CPS1: variants seen among roughly 807,000 people sequenced by gnomAD.
CPS1 encodes carbamoyl-phosphate synthase 1.
A neutral mutation model predicts 174.6 loss-of-function variants in CPS1; 109 were observed. The observed-to-expected ratio is 0.62, with a 90% CI of 0.53 to 0.73. The LOEUF is 0.73. Ranked by LOEUF, CPS1 falls within the 30% of genes least tolerant of loss-of-function variation. The probability of loss-of-function intolerance (pLI) is 0.00; values close to 1 mark genes in which losing one functional copy is unlikely to be tolerated. For missense variants in CPS1, 1,689 were observed against 1,821.9 expected (o/e 0.93, Z 1.33); for synonymous variants, 637 against 632.0 (o/e 1.01, Z -0.12).
intron 25 of CPS1, 110 bp downstream of exon 25, chr2:210,642,775 A>C: frequency 9.8e-7 from 1 of 1,018,586 alleles, no homozygotes; most frequent in Non-Finnish European, 1.5e-6. Flanking sequence ...TCCTCTTAGA[A>C]GAAAGGGCTG....
chr2:210,667,427 A>G (rs896155184), intron 33 of CPS1, among the ~76,000 whole-genome samples: 2 of 152,138 alleles, frequency 1.3e-5, no homozygotes, highest in African/African-American at 4.8e-5. Context: ...CAAATATACC[A>G]CTTGTTCTAT....
intron 1 of CPS1, among the ~76,000 whole-genome samples, chr2:210,484,359 A>C (rs1009469455): frequency 2.6e-5 from 4 of 152,228 alleles, no homozygotes; most frequent in African/African-American, 7.2e-5. Context: ...GCAGAGAGAC[A>C]GTGGTCTTAG....
At chr2:210,515,293 G>A (rs1053379992) in intron 1 of CPS1, among the ~76,000 whole-genome samples, 1 of 151,268 alleles carries the variant, frequency 6.6e-6, no homozygotes, top group Non-Finnish European at 1.5e-5. Flanking sequence ...TTCTTTGTAT[G>A]TCTGGTAGAA....
At chr2:210,629,155 A>G (rs1232532539) in intron 21 of CPS1, among the ~76,000 whole-genome samples, 1 of 152,220 alleles carries the variant, frequency 6.6e-6, no homozygotes, top group East Asian at 1.9e-4. Context: ...TGCTTACTGA[A>G]TACATCTTCT....
chr2:210,540,906 C>T (rs966378567), intron 1 of CPS1, among the ~76,000 whole-genome samples: 2 of 152,068 alleles, frequency 1.3e-5, no homozygotes, highest in African/African-American at 4.8e-5. Context: ...AACGATATCA[C>T]GAAATGGAAA....
chr2:210,576,940 A>G (rs1002842109), intron 3 of CPS1, among the ~76,000 whole-genome samples: 4 of 152,172 alleles, frequency 2.6e-5, no homozygotes, highest in African/African-American at 7.2e-5. Flanking sequence ...TCTCTTAGGA[A>G]TATATATCAT....
At position 210,567,500 on chromosome 2, in the gene CPS1, A is replaced by G. The variant is rs150040426; in HGVS notation, c.127-5798A>G. ...TTGCTGACATACAGTAAAATTTGGC[A>G]AGCATTTTAGATGAAAAGTAAAGGA... On this transcript the variant is annotated intron_variant, in intron 1 of 37. Coordinates refer to ENST00000233072, the MANE Select transcript of CPS1 (RefSeq NM_001875.5). Among the ~76,000 whole-genome samples the G allele has an allele frequency of 2.8e-3, 421 of 152,294 alleles. 5 individuals carry two copies. Among genetic ancestry groups the G allele is most frequent in the African/African-American group, 9.2e-3 (384 of 41,570 alleles).
At chr2:210,478,566 G>A (rs1694470922) in intron 1 of CPS1, among the ~76,000 whole-genome samples, 1 of 151,816 alleles carries the variant, frequency 6.6e-6, no homozygotes, top group Non-Finnish European at 1.5e-5. Context: ...ACTTTCTTTA[G>A]TTTGTTCACA....
chr2:210,599,249 T>TA, intron 13 of CPS1, 123 bp from the exon 14 acceptor site: 1 of 820,278 alleles, frequency 1.2e-6, no homozygotes, highest in Non-Finnish European at 2.1e-6. Flanking sequence ...CTAGTCCTGT[T>TA]ACGGATCTCT....
chr2:210,662,210 T>A (rs996622475), intron 32 of CPS1, among the ~76,000 whole-genome samples: 4 of 152,146 alleles, frequency 2.6e-5, no homozygotes, highest in African/African-American at 9.7e-5. Flanking sequence ...ATGCATTTTT[T>A]AAATGCACTG....
At position 210,529,725 on chromosome 2, in the gene CPS1, A is replaced by T. The variant is rs113319603; in HGVS notation, c.4-26994A>T. On this transcript the variant is annotated intron_variant, in intron 1 of 38. Transcript: ENST00000430249. ...ACATTAGAAGTAGAAACCAGGTTAG[A>T]CATCCTGATAATAAGTGACCTTATT... Among the ~76,000 whole-genome samples, 1,198 of 152,122 alleles carry T rather than the reference A, an allele frequency of 7.9e-3. 8 individuals are homozygous for T. Among genetic ancestry groups the T allele is most frequent in the Non-Finnish European group, 0.013 (860 of 67,942 alleles).
intron 1 of CPS1, among the ~76,000 whole-genome samples, chr2:210,563,002 T>C (rs1465891809): frequency 6.6e-6 from 1 of 152,226 alleles, no homozygotes; most frequent in East Asian, 1.9e-4. Flanking sequence ...TTCACAGATA[T>C]GTAAGTGCTG....
At chr2:210,500,927 T>C (rs935845464) in intron 1 of CPS1, among the ~76,000 whole-genome samples, 6 of 152,152 alleles carry the variant, frequency 3.9e-5, no homozygotes, top group African/African-American at 1.4e-4. Context: ...CTACAGCAAA[T>C]TTCTGCTTGG....
chr2:210,532,785 T>C (rs774176114), intron 1 of CPS1, among the ~76,000 whole-genome samples: 1 of 152,136 alleles, frequency 6.6e-6, no homozygotes, highest in Non-Finnish European at 1.5e-5. Context: ...GTGCCTTATA[T>C]CTGGTAAGCA....
chr2:210,643,062 G>A (rs933132515), intron 25 of CPS1, among the ~76,000 whole-genome samples: 1 of 152,200 alleles, frequency 6.6e-6, no homozygotes, highest in Non-Finnish European at 1.5e-5. Context: ...TTTGTGTGAT[G>A]TGGTTTAATG....
chr2:210,493,419 A>G (rs60981818), intron 1 of CPS1, among the ~76,000 whole-genome samples: 6,134 of 152,316 alleles, frequency 0.04, 370 homozygotes, highest in African/African-American at 0.13. Flanking sequence ...TCCTTTCTGC[A>G]TCATCTTCCT....
intron 21 of CPS1, among the ~76,000 whole-genome samples, chr2:210,628,887 A>T (rs1287691591): frequency 6.6e-6 from 1 of 152,176 alleles, no homozygotes; most frequent in Non-Finnish European, 1.5e-5. Flanking sequence ...ATATTTATAT[A>T]TTTGTTGCTT....
chr2:210,652,643 A>G, intron 28 of CPS1, among the ~76,000 whole-genome samples: 1 of 152,146 alleles, frequency 6.6e-6, no homozygotes, highest in East Asian at 1.9e-4. Flanking sequence ...GGGAGGAATT[A>G]TATATTTATT....
At chr2:210,490,093 A>G (rs1003572619) in intron 1 of CPS1, among the ~76,000 whole-genome samples, 3 of 152,188 alleles carry the variant, frequency 2.0e-5, no homozygotes, top group African/African-American at 4.8e-5. Context: ...GAAGAAAGAA[A>G]TAAACATATT....
Sources: allele counts gnomAD v4.1 joint callset (sites outside exome capture counted in the v4.1 genomes callset), GRCh38; gene constraint gnomAD v4.1.1; transcripts MANE v1.5; gene names NCBI Gene and HGNC (gene_info 2026-07-23, HGNC 2026-07-21).